SLAMF6: variants seen among roughly 807,000 people sequenced by gnomAD.
SLAMF6 encodes NK-T-B-antigen.
In SLAMF6, 21 loss-of-function variants were observed where a neutral mutation model predicts 38.3. The ratio of observed to expected loss-of-function variants is 0.55; its 90% CI spans 0.39 to 0.79. SLAMF6 has a LOEUF of 0.79. SLAMF6 is among the 30% of genes least tolerant of loss of function. SLAMF6 has a pLI of 0.00. For synonymous variants in SLAMF6, 152 were observed against 146.3 expected (o/e 1.04, Z -0.28); for missense variants, 341 against 385.3 (o/e 0.89, Z 0.96).
Position 160,496,365 on chromosome 1 carries a change from G to T in SLAMF6, c.78C>A (p.Thr26=). The T allele has an allele frequency of 6.2e-7, 1 of 1,613,528 alleles. No homozygotes were observed. The highest frequency in any genetic ancestry group is 8.5e-7 in the Non-Finnish European group (1 of 1,179,588). The change falls in exon 2 of 8, where the codon ACC becomes ACA. Residue 26 remains threonine (T), a synonymous_variant. Transcript: ENST00000368057. ...CCAGAATCCCGTTCACCATCAATGG[G>T]GTTAAGCTGCTTTGTGAAACTACAT... is the stretch of plus-strand genomic sequence containing the variant. ...PGNVVSQSSL[T]PLMVNGILGE... is the part of the protein sequence containing the mutation.
intron 1 of SLAMF6, among the ~76,000 whole-genome samples, chr1:160,515,400 G>A (rs190060831): frequency 9.9e-5 from 15 of 152,268 alleles, no homozygotes; most frequent in African/African-American, 3.6e-4. Context: ...AGGACCAGAA[G>A]GATTTACAGC....
At chr1:160,487,508 T>C (rs1274390085) in intron 6 of SLAMF6, among the ~76,000 whole-genome samples, 1 of 152,224 alleles carries the variant, frequency 6.6e-6, no homozygotes, top group East Asian at 1.9e-4. Context: ...AAGAAAAAAC[T>C]TATATACCAG....
intron 1 of SLAMF6, among the ~76,000 whole-genome samples, chr1:160,498,419 A>G (rs142969389): frequency 3.3e-5 from 5 of 152,278 alleles, no homozygotes; most frequent in East Asian, 1.9e-4. Context: ...ACAGTTCCCC[A>G]TGGCTGGGGA....
At position 160,489,093 on chromosome 1, in the gene SLAMF6, TTGAA is replaced by T; in HGVS notation, c.870_873del (p.His290GlnfsTer54). ...ATAAAGCTGAAAAGACTCACCCTGT[TTGAA>T]TGAGTGACTGAAGCATACACAGTGT... On this transcript the variant is annotated frameshift_variant, in exon 6 of 8. Coordinates refer to ENST00000368057, the MANE Select transcript of SLAMF6 (RefSeq NM_001184714.2). LOFTEE classifies it high-confidence loss of function. 6.2e-7 allele frequency: 1 copy of T among 1,612,918 alleles called. No homozygotes were observed. The highest frequency in any genetic ancestry group is 1.3e-5 in the African/African-American group (1 of 74,986).
chr1:160,508,589 A>G (rs1654313109), intron 1 of SLAMF6, among the ~76,000 whole-genome samples: 1 of 152,248 alleles, frequency 6.6e-6, no homozygotes, highest in Non-Finnish European at 1.5e-5. Context: ...CATTCAGGAT[A>G]TAGGTATGGG....
At chr1:160,508,426 T>G (rs1291111943) in intron 1 of SLAMF6, among the ~76,000 whole-genome samples, 1 of 152,168 alleles carries the variant, frequency 6.6e-6, no homozygotes, top group Non-Finnish European at 1.5e-5. Context: ...CCCTATTTAA[T>G]AAATGGTGCT....
At chr1:160,502,996 T>C (rs1653989784) in intron 1 of SLAMF6, among the ~76,000 whole-genome samples, 1 of 151,946 alleles carries the variant, frequency 6.6e-6, no homozygotes, top group Non-Finnish European at 1.5e-5. Flanking sequence ...TAAGATATGG[T>C]GAAAGGGAGT....
chr1:160,506,209 A>G (rs1242248963), intron 1 of SLAMF6, among the ~76,000 whole-genome samples: 1 of 152,200 alleles, frequency 6.6e-6, no homozygotes, highest in Non-Finnish European at 1.5e-5. Context: ...GATCCATAAC[A>G]AGACATATTA....
chr1:160,490,172 G>A (rs1193015130), intron 5 of SLAMF6, 26 bp downstream of exon 5: 2 of 1,612,216 alleles, frequency 1.2e-6, no homozygotes, highest in African/African-American at 1.3e-5. Context: ...GCTTTATGAT[G>A]GAGAGTTAAG....
At chr1:160,509,550 T>C (rs1372333653) in intron 1 of SLAMF6, among the ~76,000 whole-genome samples, 2 of 152,074 alleles carry the variant, frequency 1.3e-5, no homozygotes, top group African/African-American at 2.4e-5. Context: ...AAATACCTAA[T>C]GTAAATGACG....
chr1:160,492,095 G>A (rs997770122), intron 2 of SLAMF6, among the ~76,000 whole-genome samples: 2 of 152,138 alleles, frequency 1.3e-5, no homozygotes, highest in African/African-American at 4.8e-5. Flanking sequence ...GATGACATGT[G>A]ATGTAGGTAT....
Position 160,523,236 on chromosome 1 carries a change from AAT to A in SLAMF6, c.-46_-45del. ...TGGTGCTTGAGACCTTGAGGCAGTC[AAT>A]GTTTTTGCCCTTCTGTCATAAACTG... On this transcript the variant is annotated 5_prime_UTR_variant, in exon 1 of 8. Coordinates refer to ENST00000368057, the MANE Select transcript of SLAMF6 (RefSeq NM_001184714.2). The A allele has an allele frequency of 1.2e-6, 2 of 1,604,874 alleles. No homozygotes were observed. Among genetic ancestry groups the A allele is most frequent in the Admixed American group, 1.7e-5 (1 of 58,328 alleles).
At chr1:160,496,655 A>G (rs1425095264) in intron 1 of SLAMF6, among the ~76,000 whole-genome samples, 1 of 152,174 alleles carries the variant, frequency 6.6e-6, no homozygotes, top group Admixed American at 6.5e-5. Context: ...TGGGTCCTAC[A>G]CTGGCTGGTC....
At chr1:160,511,310 A>T (rs192258426) in intron 1 of SLAMF6, among the ~76,000 whole-genome samples, 29 of 152,222 alleles carry the variant, frequency 1.9e-4, no homozygotes, top group African/African-American at 6.8e-4. Flanking sequence ...ACACTTTCCA[A>T]TTTCAAAACT....
chr1:160,490,742 T>A, intron 3 of SLAMF6, 57 bp from the exon 4 acceptor site: 5 of 1,590,812 alleles, frequency 3.1e-6, no homozygotes, highest in Non-Finnish European at 4.3e-6. Context: ...CCCACTGTTC[T>A]TGGAGCCTCC....
chr1:160,493,752 G>T (rs1438994739), intron 2 of SLAMF6, among the ~76,000 whole-genome samples: 3 of 152,144 alleles, frequency 2.0e-5, no homozygotes, highest in Non-Finnish European at 4.4e-5. Context: ...AATGAAAGAG[G>T]TTTAATTGAC....
Position 160,489,216 on chromosome 1 carries a change from C to T in SLAMF6, c.797-46G>A, listed in dbSNP as rs570771006. 1.9e-5 allele frequency: 31 copies of T among 1,596,370 alleles called. No individual in the cohort carries two copies. The East Asian group carries it at 6.0e-4, about 31-fold the overall frequency. On this transcript the variant is annotated intron_variant, in intron 5 of 7. Transcript: ENST00000368057. ...AGTCAATGGCACAAGGACTCTGGGACTTCTCTCCCAGGACTTCTCCCTCCC... is the reference window on the plus strand; with the variant it reads ...AGTCAATGGCACAAGGACTCTGGGATTTCTCTCCCAGGACTTCTCCCTCCC...
chr1:160,491,289 T>G lies in SLAMF6; in HGVS notation c.482A>C (p.Asn161Thr). ...CAAGGCCTCCCATCTGAATGAGACA[T>G]TGTCATCTGCATCCTCCACAGAGCA... ...LTCSVEDADD[N>T]VSFRWEALGN... Residue 161 changes from asparagine (N) to threonine (T), a missense_variant, in exon 3 of 8, where the codon AAT becomes ACT. Coordinates refer to ENST00000368057, the MANE Select transcript of SLAMF6 (RefSeq NM_001184714.2). 1 of 1,614,038 alleles carries G rather than the reference T, an allele frequency of 6.2e-7. No homozygotes were observed. The highest frequency in any genetic ancestry group is 1.1e-5 in the South Asian group (1 of 91,080).
At chr1:160,495,147 G>A (rs940552395) in intron 2 of SLAMF6, among the ~76,000 whole-genome samples, 7 of 152,234 alleles carry the variant, frequency 4.6e-5, no homozygotes, top group Non-Finnish European at 5.9e-5. Context: ...GCTTTTTTGA[G>A]TACCATGTCT....
Sources: allele counts gnomAD v4.1 joint callset (sites outside exome capture counted in the v4.1 genomes callset), GRCh38; gene constraint gnomAD v4.1.1; transcripts MANE v1.5; gene names NCBI Gene and HGNC (gene_info 2026-07-23, HGNC 2026-07-21).